The following GDA variants were observed in gnomAD, a reference collection of about 807,000 sequenced individuals.
The protein encoded by GDA is guanine deaminase, also known as cytoplasmic PSD-95 interactor.
GDA carries 18 observed loss-of-function variants against 59.6 expected under a neutral mutation model. The observed-to-expected ratio is 0.30, with a 90% CI of 0.21 to 0.45. The LOEUF (loss-of-function observed/expected upper bound fraction) is 0.45. GDA is among the 20% of genes least tolerant of loss of function. The pLI is 1.00. For synonymous variants in GDA, 201 were observed against 201.1 expected, an observed-to-expected ratio of 1.00 and a Z score of 0.00; for missense variants, 427 against 552.3, an observed-to-expected ratio of 0.77 and a Z score of 2.27.
At chr9:72,141,245 T>C (rs1226657687) in intron 1 of GDA, among the ~76,000 whole-genome samples, 1 of 152,186 alleles carries the variant, frequency 6.6e-6, no homozygotes, top group Non-Finnish European at 1.5e-5. Context: ...TTCCTTCTTA[T>C]TAGGGCTGGA....
chr9:72,259,209 G>A (rs993464726), downstream of GDA, among the ~76,000 whole-genome samples: 2 of 152,000 alleles, frequency 1.3e-5, no homozygotes, highest in Non-Finnish European at 2.9e-5. Context: ...ATTTTTAGTA[G>A]AGATGGGGTT....
intron 6 of GDA, among the ~76,000 whole-genome samples, chr9:72,222,908 T>C (rs1165448719): frequency 6.6e-6 from 1 of 152,146 alleles, no homozygotes; most frequent in Non-Finnish European, 1.5e-5. Context: ...GGTTTCTCCA[T>C]GTTGGTCAGG....
intron 3 of GDA, among the ~76,000 whole-genome samples, chr9:72,208,528 C>T (rs1183437031): frequency 6.6e-6 from 1 of 152,214 alleles, no homozygotes; most frequent in Non-Finnish European, 1.5e-5. Flanking sequence ...TCAGCATTCT[C>T]TGTAGCACTA....
chr9:72,131,799 C>G (rs1043955286), intron 1 of GDA, among the ~76,000 whole-genome samples: 3 of 152,070 alleles, frequency 2.0e-5, no homozygotes, highest in Non-Finnish European at 4.4e-5. Flanking sequence ...AGAAAATGCT[C>G]GACTGCTATG....
chr9:72,145,379 A>T (rs1413012101), upstream of GDA, among the ~76,000 whole-genome samples: 2 of 152,312 alleles, frequency 1.3e-5, no homozygotes, highest in South Asian at 2.1e-4. Context: ...AGTCCATCCT[A>T]TATTAACTGC....
chr9:72,148,322 T>C (rs1826777329), upstream of GDA, among the ~76,000 whole-genome samples: 2 of 135,090 alleles, frequency 1.5e-5, no homozygotes, highest in South Asian at 4.7e-4. Context: ...TGTGTGTGTG[T>C]GTGTGTGTGT....
Position 72,228,144 on chromosome 9 carries a change from T to C in GDA, c.920+104T>C, listed in dbSNP as rs150974035. ...TCATTCCTCCAGGATCTCCCCTCTA[T>C]TCTGTGTTTGGCAGGACCCAGATAG... On this transcript the variant is annotated intron_variant, in intron 9 of 13. Coordinates refer to ENST00000358399, the MANE Select transcript of GDA (RefSeq NM_004293.5). 393 of 719,874 alleles carry C rather than the reference T, an allele frequency of 5.5e-4. 2 individuals are homozygous for C. The Middle Eastern group carries it at 6.6e-3, about 12-fold the overall frequency. 44.6% of individuals were successfully genotyped at this position (719,874 alleles called of 1,614,324 possible). A position where few individuals can be genotyped will look rare whatever the true frequency, so the allele number is the denominator to read the frequency against.
downstream of GDA, among the ~76,000 whole-genome samples, chr9:72,259,337 C>T (rs901787424): frequency 2.6e-5 from 4 of 152,076 alleles, no homozygotes; most frequent in African/African-American, 4.8e-5. Flanking sequence ...TCTATTTTTG[C>T]AGTGAGCAAA....
chr9:72,184,750 A>C (rs1831661630), intron 1 of GDA, among the ~76,000 whole-genome samples: 2 of 152,238 alleles, frequency 1.3e-5, no homozygotes, highest in South Asian at 4.1e-4. Flanking sequence ...CCTGACGTTA[A>C]AGAAAAATGT....
chr9:72,174,614 G>T (rs1362936000), intron 1 of GDA, among the ~76,000 whole-genome samples: 2 of 152,124 alleles, frequency 1.3e-5, no homozygotes, highest in African/African-American at 2.4e-5. Flanking sequence ...TTGGGAGTGG[G>T]ACCAGGGTAG....
intron 6 of GDA, among the ~76,000 whole-genome samples, chr9:72,221,384 T>C (rs1836844594): frequency 1.3e-5 from 2 of 152,204 alleles, no homozygotes; most frequent in African/African-American, 4.8e-5. Context: ...ACTTGGGTGC[T>C]GAAGAAGATA....
upstream of GDA, among the ~76,000 whole-genome samples, chr9:72,148,317 G>A (rs781121144): frequency 0.14 from 1,365 of 9,588 alleles, 6 homozygotes; most frequent in Non-Finnish European, 0.42. Flanking sequence ...GTATGTGTGT[G>A]TGTGTGTGTG....
chr9:72,242,137 CTA>C (rs771751359), intron 11 of GDA, among the ~76,000 whole-genome samples: 1 of 152,278 alleles, frequency 6.6e-6, no homozygotes, highest in Non-Finnish European at 1.5e-5. Context: ...CCACAGTGTG[CTA>C]TGATTTGAAT....
intron 1 of GDA, among the ~76,000 whole-genome samples, chr9:72,127,926 T>A (rs1042789222): frequency 6.6e-6 from 1 of 152,340 alleles, no homozygotes; most frequent in African/African-American, 2.4e-5. Flanking sequence ...GTTTATCTTT[T>A]ACTTTTGGCC....
Position 72,230,940 on chromosome 9 carries a change from T to C in GDA, c.921-174T>C, listed in dbSNP as rs188772449. On this transcript the variant is annotated intron_variant, in intron 9 of 13. Coordinates refer to ENST00000358399, the MANE Select transcript of GDA (RefSeq NM_004293.5). ...GCCCAAGGATTAGGCTATTTTATGA[T>C]CCTGTTTACTCCAGGACTTGGATGG... 1.2e-3 allele frequency among the ~76,000 whole-genome samples: 190 copies of C among 152,322 alleles called. 1 individual carries two copies. Among genetic ancestry groups the C allele is most frequent in the Middle Eastern group, 3.4e-3 (1 of 294 alleles).
Position 72,210,120 on chromosome 9 carries a change from T to C in GDA, c.385-567T>C, listed in dbSNP as rs373327666. On this transcript the variant is annotated intron_variant, in intron 3 of 13. Transcript: ENST00000358399. Reference sequence around the variant, plus strand: ...TGCTAAAACCCACACACTTCTCTCCTTCTTTCCAAGTTGCTTCCAGGTTCT... The same window carrying C: ...TGCTAAAACCCACACACTTCTCTCCCTCTTTCCAAGTTGCTTCCAGGTTCT... Among the ~76,000 whole-genome samples the C allele has an allele frequency of 2.0e-4, 31 of 152,350 alleles. No homozygotes were observed. In the East Asian group the frequency reaches 4.4e-3, roughly 22 times the overall value.
At chr9:72,238,741 G>C (rs1040665955) in intron 10 of GDA, among the ~76,000 whole-genome samples, 1 of 152,140 alleles carries the variant, frequency 6.6e-6, no homozygotes, top group Non-Finnish European at 1.5e-5. Context: ...TGATGGTCCT[G>C]GGGGAGTAGT....
chr9:72,160,323 A>G (rs1465320760), intron 1 of GDA, among the ~76,000 whole-genome samples: 1 of 151,986 alleles, frequency 6.6e-6, no homozygotes, highest in Admixed American at 6.6e-5. Flanking sequence ...AAAATAAAAC[A>G]AAACAAATAT....
chr9:72,123,346 G>A (rs1825734445), intron 1 of GDA, among the ~76,000 whole-genome samples: 1 of 151,716 alleles, frequency 6.6e-6, no homozygotes, highest in African/African-American at 2.4e-5. Context: ...ACCACACCTG[G>A]CTAATTTTTT....
Sources: gnomAD v4.1 joint callset for allele counts (sites outside exome capture counted in the v4.1 genomes callset) on GRCh38, gnomAD v4.1.1 for gene constraint, MANE v1.5 for transcripts, NCBI Gene and HGNC (gene_info 2026-07-23, HGNC 2026-07-21) for gene names.